ABCD3: variants seen among roughly 807,000 people sequenced by gnomAD.
ABCD3 encodes ATP binding cassette subfamily D member 3, also known as ATP-binding cassette sub-family D member 3.
In ABCD3, 41 loss-of-function variants were observed where a neutral mutation model predicts 105.5. That is an observed-to-expected ratio of 0.39 (90% CI 0.30 to 0.50). The LOEUF is 0.50. Ranked by LOEUF, ABCD3 falls within the 20% of genes least tolerant of loss-of-function variation. The pLI is 0.84. For synonymous variants in ABCD3, 258 were observed against 269.0 expected (o/e 0.96, Z 0.40); for missense variants, 622 against 806.3 (o/e 0.77, Z 2.77).
chr1:94,399,776 G>C, the ABCD3 span, among the ~76,000 whole-genome samples: 1 of 152,230 alleles, frequency 6.6e-6, no homozygotes, highest in African/African-American at 2.4e-5. Context: ...CAGTGCTGCA[G>C]TTAGAGGGGA....
chr1:94,448,788 A>T (rs1382759197), intron 1 of ABCD3, among the ~76,000 whole-genome samples: 1 of 152,252 alleles, frequency 6.6e-6, no homozygotes, highest in Non-Finnish European at 1.5e-5. Flanking sequence ...TATGTGGAAT[A>T]TTAAACACAG....
At chr1:94,506,394 C>G in intron 20 of ABCD3, 144 bp from the exon 21 acceptor site, 1 of 611,716 alleles carries the variant, frequency 1.6e-6, no homozygotes, top group South Asian at 1.7e-5. Context: ...GTTTCTATTT[C>G]TGGGAAGTAG....
intron 1 of ABCD3, among the ~76,000 whole-genome samples, chr1:94,458,391 A>G (rs1055811181): frequency 4.6e-5 from 7 of 152,252 alleles, no homozygotes; most frequent in Admixed American, 1.3e-4. Context: ...TGTCTGTTAC[A>G]TAATAGTGGT....
intron 1 of ABCD3, among the ~76,000 whole-genome samples, chr1:94,456,872 A>G (rs140670095): frequency 1.5e-3 from 226 of 152,238 alleles, no homozygotes; most frequent in African/African-American, 5.2e-3. Flanking sequence ...TCAACCAACA[A>G]TGTTCAAGTG....
At chr1:94,397,895 C>T in the ABCD3 span, among the ~76,000 whole-genome samples, 1 of 152,120 alleles carries the variant, frequency 6.6e-6, no homozygotes, top group South Asian at 2.1e-4. Context: ...TTTAAAATTT[C>T]ACCCAGTAAT....
chr1:94,480,625 A>C lies in ABCD3; in HGVS notation c.827+19A>C. 1 of 1,613,118 alleles carries C rather than the reference A, an allele frequency of 6.2e-7. No homozygotes were observed. Among genetic ancestry groups the C allele is most frequent in the Non-Finnish European group, 8.5e-7 (1 of 1,179,362 alleles). ...CAAACAGGTAAAGACAAATGCATTA[A>C]AGCCTTGCTAAAAATTAATTTCTAT... On this transcript the variant is annotated intron_variant, in intron 9 of 22. Coordinates refer to ENST00000370214, the MANE Select transcript of ABCD3 (RefSeq NM_002858.4).
chr1:94,453,738 T>C (rs1335503283), intron 1 of ABCD3, among the ~76,000 whole-genome samples: 2 of 151,778 alleles, frequency 1.3e-5, no homozygotes, highest in East Asian at 3.9e-4. Context: ...ATTTTTGTGC[T>C]CATTTTTTTT....
chr1:94,414,253 G>T (rs145493333), upstream of ABCD3, among the ~76,000 whole-genome samples: 1 of 152,274 alleles, frequency 6.6e-6, no homozygotes, highest in African/African-American at 2.4e-5. Flanking sequence ...TGATGAGCAT[G>T]TACCACTTCT....
At chr1:94,420,145 C>T (rs1659202720) in intron 1 of ABCD3, among the ~76,000 whole-genome samples, 1 of 152,090 alleles carries the variant, frequency 6.6e-6, no homozygotes, top group Admixed American at 6.5e-5. Flanking sequence ...ATACATGCCA[C>T]ATACATATAG....
In ABCD3 at chr1:94,462,763, G is replaced by A. The variant is rs371480103; in HGVS notation, c.148-2012G>A. On this transcript the variant is annotated intron_variant, in intron 2 of 22. Coordinates refer to ENST00000370214, the MANE Select transcript of ABCD3 (RefSeq NM_002858.4). ...GATGTCCATTTCACCTCAGGATTGT[G>A]CCACTTAAAGTTCCAGCTAGCAATA... 1.2e-4 allele frequency among the ~76,000 whole-genome samples: 19 copies of A among 152,230 alleles called. No homozygotes were observed. The South Asian group carries it at 1.7e-3, about 13-fold the overall frequency.
intron 1 of ABCD3, chr1:94,418,911 C>G (rs914301127): frequency 2.3e-6 from 1 of 432,216 alleles, no homozygotes; most frequent in African/African-American, 2.1e-5. Context: ...GTGTCCCCCA[C>G]CCCCTTCCCT....
intron 1 of ABCD3, among the ~76,000 whole-genome samples, chr1:94,435,856 C>A (rs768151810): frequency 9.9e-5 from 15 of 152,284 alleles, no homozygotes; most frequent in Non-Finnish European, 2.1e-4. Context: ...CATTATGAAC[C>A]TTTTGATTTA....
the ABCD3 span, among the ~76,000 whole-genome samples, chr1:94,402,188 T>A: frequency 1.3e-5 from 2 of 152,242 alleles, no homozygotes; most frequent in Non-Finnish European, 2.9e-5. Flanking sequence ...TGTTTACCCA[T>A]TCTTTTGCTG....
At position 94,453,338 on chromosome 1, in the gene ABCD3, T is replaced by C. The variant is rs549523159; in HGVS notation, c.111-5269T>C. On this transcript the variant is annotated intron_variant, in intron 1 of 22. Coordinates refer to ENST00000370214, the MANE Select transcript of ABCD3 (RefSeq NM_002858.4). ...TTATATTTTTCTTTTTTTTTTTTTT[T>C]GAGATGGAGTCTCGCTGTCGCCCAG... Among the ~76,000 whole-genome samples the C allele has an allele frequency of 2.6e-5, 4 of 151,090 alleles. No individual in the cohort carries two copies. The South Asian group carries it at 8.4e-4, about 32-fold the overall frequency.
At chr1:94,446,327 A>G (rs772107222) in intron 1 of ABCD3, among the ~76,000 whole-genome samples, 1 of 152,156 alleles carries the variant, frequency 6.6e-6, no homozygotes, top group Non-Finnish European at 1.5e-5. Flanking sequence ...TGCCTGGGGA[A>G]CCCCTGCAAA....
At chr1:94,404,894 G>A in the ABCD3 span, among the ~76,000 whole-genome samples, 6 of 149,230 alleles carry the variant, frequency 4.0e-5, no homozygotes, top group Admixed American at 4.0e-4. Context: ...AGCTGATATT[G>A]CGCCGCTGCA....
chr1:94,461,194 G>C (rs747236619), intron 2 of ABCD3, among the ~76,000 whole-genome samples: 2 of 151,970 alleles, frequency 1.3e-5, no homozygotes, highest in East Asian at 3.9e-4. Flanking sequence ...ATTTTTGCTC[G>C]TCAGAATTTT....
intron 15 of ABCD3, 45 bp downstream of exon 15, chr1:94,490,020 A>G: frequency 6.6e-7 from 1 of 1,512,958 alleles, no homozygotes; most frequent in Non-Finnish European, 9.2e-7. Flanking sequence ...TGTTTGTTAA[A>G]CTTCATAGTA....
intron 1 of ABCD3, among the ~76,000 whole-genome samples, chr1:94,440,713 C>T (rs1346712229): frequency 1.3e-5 from 2 of 152,112 alleles, no homozygotes. Context: ...AGGTTGTTAC[C>T]TCCTATTCAT....
Sources: allele counts gnomAD v4.1 joint callset (sites outside exome capture counted in the v4.1 genomes callset), GRCh38; gene constraint gnomAD v4.1.1; transcripts MANE v1.5; gene names NCBI Gene and HGNC (gene_info 2026-07-23, HGNC 2026-07-21).